CD69: variants seen among roughly 807,000 people sequenced by gnomAD.
CD69 encodes the protein CD69 molecule, also known as early activation antigen CD69.
CD69 carries 10 observed loss-of-function variants against 21.4 expected under a neutral mutation model. The ratio of observed to expected loss-of-function variants is 0.47; its 90% CI spans 0.29 to 0.79. The LOEUF is 0.79. Ranked by LOEUF, CD69 falls within the 30% of genes least tolerant of loss-of-function variation. The probability of loss-of-function intolerance (pLI) is 0.09; values close to 1 mark genes in which losing one functional copy is unlikely to be tolerated. For synonymous variants in CD69, 63 were observed against 78.2 expected (o/e 0.81, Z 1.03); for missense variants, 204 against 236.9 (o/e 0.86, Z 0.91).
chr12:9,756,458 A>T (rs780744364), intron 1 of CD69, 39 bp from the exon 2 acceptor site: 21 of 1,574,178 alleles, frequency 1.3e-5, no homozygotes, highest in Non-Finnish European at 1.6e-5. Context: ...CAGGCAGACT[A>T]TAGAAGTACT....
chr12:9,759,856 A>G (rs1866717145), intron 1 of CD69, among the ~76,000 whole-genome samples: 1 of 152,214 alleles, frequency 6.6e-6, no homozygotes, highest in African/African-American at 2.4e-5. Flanking sequence ...AATTTTACAG[A>G]AGTAAGGTAT....
At chr12:9,758,844 CTCAG>C in intron 1 of CD69, among the ~76,000 whole-genome samples, 2 of 152,324 alleles carry the variant, frequency 1.3e-5, no homozygotes, top group Middle Eastern at 3.4e-3. Context: ...GTTCCAGAGT[CTCAG>C]TCAGCCCATC....
Position 9,760,783 on chromosome 12 carries a change from G to A in CD69, c.38C>T (p.Ser13Phe), listed in dbSNP as rs779632707. Residue 13 changes from serine (S) to phenylalanine (F), a missense_variant, in exon 1 of 5, where the codon TCT becomes TTT. Coordinates refer to ENST00000228434, the MANE Select transcript of CD69 (RefSeq NM_001781.2). ...TTCTTGTCCACTCTCCGGATGCAAA[G>A]AGCTGTTCTCTGCTACGAAACAATT... ...SENCFVAENS[S>F]LHPESGQEND... 1.4e-5 allele frequency: 23 copies of A among 1,612,750 alleles called. No homozygotes were observed. The East Asian group carries it at 4.9e-4, about 34-fold the overall frequency.
At chr12:9,759,696 T>C (rs1866715743) in intron 1 of CD69, among the ~76,000 whole-genome samples, 1 of 152,156 alleles carries the variant, frequency 6.6e-6, no homozygotes, top group South Asian at 2.1e-4. Context: ...AATAATCCCT[T>C]TCCACAAGAT....
intron 2 of CD69, chr12:9,756,078 T>A (rs1041689473): frequency 6.7e-6 from 2 of 300,618 alleles, no homozygotes; most frequent in Admixed American, 9.9e-5. Flanking sequence ...AATATATAAA[T>A]CATAGATACT....
At chr12:9,755,637 A>G (rs1866673296) in intron 2 of CD69, among the ~76,000 whole-genome samples, 1 of 152,252 alleles carries the variant, frequency 6.6e-6, no homozygotes, top group African/African-American at 2.4e-5. Context: ...AAGAATTTGA[A>G]GATGCAGTAT....
At position 9,760,846 on chromosome 12, in the gene CD69, A is replaced by G. The variant is rs746079502; in HGVS notation, c.-26T>C. Reference sequence around the variant, plus strand: ...CTTTATTCTCAAGATTCCCTAGTTAATCTCAGGTCAAGTCAAGCTACAGTG... The same window carrying G: ...CTTTATTCTCAAGATTCCCTAGTTAGTCTCAGGTCAAGTCAAGCTACAGTG... On this transcript the variant is annotated 5_prime_UTR_variant, in exon 1 of 5. Coordinates refer to ENST00000228434, the MANE Select transcript of CD69 (RefSeq NM_001781.2). The G allele has an allele frequency of 1.9e-6, 3 of 1,588,688 alleles. No homozygotes were observed. Among genetic ancestry groups the G allele is most frequent in the African/African-American group, 2.7e-5 (2 of 74,532 alleles).
At chr12:9,760,398 G>A (rs187905100) in intron 1 of CD69, among the ~76,000 whole-genome samples, 51 of 152,302 alleles carry the variant, frequency 3.3e-4, no homozygotes, top group African/African-American at 1.2e-3. Flanking sequence ...CTGGGCTAGA[G>A]CAGAAAGTTT....
Position 9,752,752 on chromosome 12 carries a change from A to C in CD69, c.*729T>G, listed in dbSNP as rs1266954511. On this transcript the variant is annotated 3_prime_UTR_variant, in exon 5 of 5. Coordinates refer to ENST00000228434, the MANE Select transcript of CD69 (RefSeq NM_001781.2). ...TTCCAACACTATTCTATGTCTTGCA[A>C]ATATTCCTCATAGTCTTTGCTTATG... 1 of 152,626 alleles carries C rather than the reference A, an allele frequency of 6.6e-6. No homozygotes were observed. The highest frequency in any genetic ancestry group is 2.4e-5 in the African/African-American group (1 of 41,448). The allele number at this position is 152,626 out of a possible 1,614,324, so 9.5% of individuals were successfully genotyped here.
intron 1 of CD69, among the ~76,000 whole-genome samples, chr12:9,757,971 T>G (rs2121101988): frequency 6.6e-6 from 1 of 152,186 alleles, no homozygotes; most frequent in South Asian, 2.1e-4. Flanking sequence ...GATGTTAAAA[T>G]AATAGAGGAA....
At chr12:9,759,982 G>A (rs773195435) in intron 1 of CD69, among the ~76,000 whole-genome samples, 13 of 151,342 alleles carry the variant, frequency 8.6e-5, no homozygotes, top group Non-Finnish European at 1.6e-4. Context: ...AGAGACAAAG[G>A]AAAGGAAGAA....
chr12:9,757,631 T>A (rs922467138), intron 1 of CD69, among the ~76,000 whole-genome samples: 43 of 152,040 alleles, frequency 2.8e-4, no homozygotes, highest in African/African-American at 1.0e-3. Context: ...CCAAAAAAAA[T>A]GTTGAGTGAA....
Position 9,756,313 on chromosome 12 carries a change from A to C in CD69, c.171T>G (p.Ala57=), listed in dbSNP as rs764071273. ...NVVFITILII[A]LIALSVGQYN... is the part of the protein sequence containing the mutation. ...TAGACCCACCTGATAAGGCAATGAG[A>C]GCTATGATTAAAATGGTGATGAAGA... The change falls in exon 2 of 5, where the codon GCT becomes GCG. Residue 57 remains alanine (A), a synonymous_variant. Coordinates refer to ENST00000228434, the MANE Select transcript of CD69 (RefSeq NM_001781.2). 2.5e-6 allele frequency: 4 copies of C among 1,613,348 alleles called. No homozygotes were observed. Among genetic ancestry groups the C allele is most frequent in the Non-Finnish European group, 3.4e-6 (4 of 1,179,546 alleles).
chr12:9,757,639 G>GA (rs1006040911), intron 1 of CD69, among the ~76,000 whole-genome samples: 2 of 152,022 alleles, frequency 1.3e-5, no homozygotes, highest in East Asian at 3.9e-4. Flanking sequence ...AATGTTGAGT[G>GA]AAAAAAAATC....
Position 9,752,856 on chromosome 12 carries a change from T to C in CD69, c.*625A>G, listed in dbSNP as rs903629231. On this transcript the variant is annotated 3_prime_UTR_variant, in exon 5 of 5. Transcript: ENST00000228434. ...CCATCGAAAAGGACCTGTCTACAGC[T>C]GAGGAAGTAAAAAAATAAATACATG... 2 of 152,570 alleles carry C rather than the reference T, an allele frequency of 1.3e-5. No individual in the cohort carries two copies. The highest frequency in any genetic ancestry group is 4.8e-5 in the African/African-American group (2 of 41,450). 9.5% of individuals were successfully genotyped at this position (152,570 alleles called of 1,614,324 possible).
chr12:9,754,295 T>C (rs1200695771), intron 4 of CD69: 3 of 196,436 alleles, frequency 1.5e-5, no homozygotes, highest in Non-Finnish European at 3.1e-5. Flanking sequence ...TGTTGCATCA[T>C]CATAATTATT....
chr12:9,759,468 C>G (rs1289223808), intron 1 of CD69, among the ~76,000 whole-genome samples: 1 of 148,924 alleles, frequency 6.7e-6, no homozygotes, highest in Non-Finnish European at 1.5e-5. Flanking sequence ...CACCTATGCT[C>G]TCTATTTATT....
At chr12:9,758,156 G>A (rs1415430318) in intron 1 of CD69, among the ~76,000 whole-genome samples, 1 of 151,762 alleles carries the variant, frequency 6.6e-6, no homozygotes, top group Non-Finnish European at 1.5e-5. Flanking sequence ...ACTCTAAGAG[G>A]ATGTCTGTTC....
intron 1 of CD69, among the ~76,000 whole-genome samples, chr12:9,756,829 T>A (rs900875005): frequency 6.6e-6 from 1 of 152,084 alleles, no homozygotes; most frequent in Admixed American, 6.5e-5. Context: ...AATCTCAGCA[T>A]TTTGGGAGGC....
Sources: gnomAD v4.1 joint callset for allele counts (sites outside exome capture counted in the v4.1 genomes callset) on GRCh38, gnomAD v4.1.1 for gene constraint, MANE v1.5 for transcripts, NCBI Gene and HGNC (gene_info 2026-07-23, HGNC 2026-07-21) for gene names.